Variants in TENM3 observed in about 807,000 individuals in gnomAD.
The protein encoded by TENM3 is teneurin-3.
In TENM3, 63 loss-of-function variants were observed where a neutral mutation model predicts 255.1. The ratio of observed to expected loss-of-function variants is 0.25; its 90% CI spans 0.20 to 0.30. The LOEUF is 0.30. TENM3 is among the 10% of genes least tolerant of loss of function. The probability of loss-of-function intolerance (pLI) is 1.00; values close to 1 mark genes in which losing one functional copy is unlikely to be tolerated. For synonymous variants in TENM3, 1,306 were observed against 1,322.3 expected, an observed-to-expected ratio of 0.99 and a Z score of 0.27; for missense variants, 2,929 against 3,461.1, an observed-to-expected ratio of 0.85 and a Z score of 3.86.
chr4:182,197,011 C>T (rs1438449401), intron 1 of TENM3, among the ~76,000 whole-genome samples: 19 of 152,186 alleles, frequency 1.2e-4, no homozygotes, highest in Admixed American at 1.3e-4. Context: ...CCATTGTTCA[C>T]GTTTCCCATC....
chr4:181,803,658 G>A, the TENM3 span, among the ~76,000 whole-genome samples: 1 of 152,074 alleles, frequency 6.6e-6, no homozygotes, highest in Admixed American at 6.5e-5. Flanking sequence ...CAGAGGGCAG[G>A]CACCTACTCC....
intron 1 of TENM3, among the ~76,000 whole-genome samples, chr4:182,299,009 A>T (rs1029573230): frequency 1.1e-5 from 1 of 87,908 alleles, no homozygotes; most frequent in African/African-American, 7.8e-5. Context: ...AAAAAAAAAA[A>T]AAAAAAAGAG....
the TENM3 span, among the ~76,000 whole-genome samples, chr4:182,083,383 C>T: frequency 5.9e-5 from 9 of 152,278 alleles, no homozygotes; most frequent in South Asian, 1.9e-3. Flanking sequence ...TTATATCTAT[C>T]ATTCTGACAT....
At chr4:182,613,637 T>G (rs1211079155) in intron 4 of TENM3, among the ~76,000 whole-genome samples, 2 of 152,200 alleles carry the variant, frequency 1.3e-5, no homozygotes, top group Admixed American at 1.3e-4. Context: ...CCCAATCTTC[T>G]TAACACTCTC....
At chr4:181,751,460 C>T in the TENM3 span, among the ~76,000 whole-genome samples, 3 of 150,212 alleles carry the variant, frequency 2.0e-5, no homozygotes, top group African/African-American at 7.3e-5. Context: ...TCCCAGTCTG[C>T]AATCCAAGAC....
the TENM3 span, among the ~76,000 whole-genome samples, chr4:181,885,842 C>A: frequency 6.6e-6 from 1 of 152,066 alleles, no homozygotes; most frequent in Non-Finnish European, 1.5e-5. Flanking sequence ...TTTCACTGGG[C>A]CATTCTTAGA....
At chr4:182,649,736 G>A (rs1024672705) in intron 5 of TENM3, among the ~76,000 whole-genome samples, 1 of 150,146 alleles carries the variant, frequency 6.7e-6, no homozygotes, top group Admixed American at 6.7e-5. Flanking sequence ...GCGTAGAATG[G>A]TGCCCAGGAC....
chr4:182,192,096 G>A (rs1019074710), intron 1 of TENM3, among the ~76,000 whole-genome samples: 7 of 152,008 alleles, frequency 4.6e-5, no homozygotes, highest in African/African-American at 7.2e-5. Context: ...TTCATGATAC[G>A]GGAAAATTAT....
chr4:182,057,477 C>A, the TENM3 span, among the ~76,000 whole-genome samples: 1 of 146,168 alleles, frequency 6.8e-6, no homozygotes, highest in Admixed American at 7.0e-5. Flanking sequence ...GTGGCATGAT[C>A]GTGGCTCACT....
At chr4:182,478,409 T>C (rs1390008551) in intron 3 of TENM3, among the ~76,000 whole-genome samples, 1 of 152,016 alleles carries the variant, frequency 6.6e-6, no homozygotes, top group African/African-American at 2.4e-5. Context: ...ATGTCATTCT[T>C]ATAATATTTT....
chr4:181,790,937 G>T, the TENM3 span, among the ~76,000 whole-genome samples: 1 of 152,160 alleles, frequency 6.6e-6, no homozygotes, highest in Non-Finnish European at 1.5e-5. Flanking sequence ...CAAGTACAAA[G>T]AAACCTGGCC....
intron 3 of TENM3, among the ~76,000 whole-genome samples, chr4:182,358,425 G>T (rs1411645474): frequency 6.6e-6 from 1 of 151,078 alleles, no homozygotes; most frequent in Non-Finnish European, 1.5e-5. Context: ...CCTTGAAGAG[G>T]TCCTTCACAT....
chr4:181,838,537 T>C, the TENM3 span, among the ~76,000 whole-genome samples: 1 of 152,152 alleles, frequency 6.6e-6, no homozygotes, highest in African/African-American at 2.4e-5. Context: ...ACCAAACTTG[T>C]AAAAAAGACT....
chr4:182,314,279 C>CGACA (rs771601191), intron 1 of TENM3, among the ~76,000 whole-genome samples: 1 of 150,590 alleles, frequency 6.6e-6, no homozygotes, highest in Non-Finnish European at 1.5e-5. Context: ...CCAGCCTGGG[C>CGACA]GACAGAGCGA....
At chr4:182,319,089 T>G (rs1222636625) in intron 1 of TENM3, among the ~76,000 whole-genome samples, 1 of 152,328 alleles carries the variant, frequency 6.6e-6, no homozygotes, top group Middle Eastern at 3.4e-3. Flanking sequence ...TTCTTTTGTT[T>G]GTTTTTTTGT....
chr4:181,871,727 G>A, the TENM3 span, among the ~76,000 whole-genome samples: 4 of 152,046 alleles, frequency 2.6e-5, 1 homozygote, highest in South Asian at 6.2e-4. Context: ...AGACTAAGGA[G>A]GTTCCTTTTT....
the TENM3 span, among the ~76,000 whole-genome samples, chr4:182,042,306 C>A: frequency 6.6e-6 from 1 of 152,092 alleles, no homozygotes; most frequent in Admixed American, 6.5e-5. Flanking sequence ...AGCCTTTGAA[C>A]CTTGTGAACA....
intron 5 of TENM3, among the ~76,000 whole-genome samples, chr4:182,650,863 T>A (rs1167273973): frequency 2.1e-5 from 3 of 142,536 alleles, no homozygotes; most frequent in Non-Finnish European, 4.5e-5. Flanking sequence ...CATCTCACTT[T>A]ATTGAGATTT....
At chr4:182,415,028 T>C (rs924421004) in intron 3 of TENM3, among the ~76,000 whole-genome samples, 5 of 152,370 alleles carry the variant, frequency 3.3e-5, no homozygotes, top group South Asian at 2.1e-4. Context: ...GTGGGTAAAT[T>C]TTCCACCTTG....
Sources: allele counts gnomAD v4.1 joint callset (sites outside exome capture counted in the v4.1 genomes callset), GRCh38; gene constraint gnomAD v4.1.1; transcripts MANE v1.5; gene names NCBI Gene and HGNC (gene_info 2026-07-23, HGNC 2026-07-21).